Variants in PPP4R4 observed in about 807,000 individuals in gnomAD.
The protein encoded by PPP4R4 is protein phosphatase 4 regulatory subunit 4, also known as serine/threonine-protein phosphatase 4 regulatory subunit 4.
In PPP4R4, 70 loss-of-function variants were observed where a neutral mutation model predicts 121.8. That is an observed-to-expected ratio of 0.57 (90% CI 0.47 to 0.70). PPP4R4 has a LOEUF of 0.70. Among genes scored for constraint, PPP4R4 ranks in the 30% least tolerant of loss-of-function variants. PPP4R4 has a pLI of 0.00. For synonymous variants in PPP4R4, 348 were observed against 355.7 expected (o/e 0.98, Z 0.24); for missense variants, 875 against 1,033.6 (o/e 0.85, Z 2.10).
chr14:94,274,329 G>C (rs59128518), intron 23 of PPP4R4, among the ~76,000 whole-genome samples: 35,825 of 151,596 alleles, frequency 0.24, 5,076 homozygotes, highest in East Asian at 0.59. Flanking sequence ...TTGAAATAGA[G>C]CATTAAAAAA....
intron 3 of PPP4R4, among the ~76,000 whole-genome samples, chr14:94,211,150 T>C (rs1190062906): frequency 6.6e-6 from 1 of 152,244 alleles, no homozygotes; most frequent in African/African-American, 2.4e-5. Flanking sequence ...AGGCAGGCAC[T>C]GTTCGAAGCA....
chr14:94,240,548 A>G, intron 8 of PPP4R4, 125 bp from the exon 9 acceptor site: 1 of 1,044,278 alleles, frequency 9.6e-7, no homozygotes, highest in South Asian at 1.8e-5. Flanking sequence ...GCTTTCAGGT[A>G]TTTTCTATTA....
chr14:94,243,579 GACATA>G (rs1235903359), intron 11 of PPP4R4, among the ~76,000 whole-genome samples: 3 of 151,978 alleles, frequency 2.0e-5, no homozygotes, highest in African/African-American at 7.3e-5. Flanking sequence ...TTTTATAGTA[GACATA>G]ACATAGCACC....
At chr14:94,214,564 C>G (rs986110188) in intron 3 of PPP4R4, among the ~76,000 whole-genome samples, 5 of 151,404 alleles carry the variant, frequency 3.3e-5, no homozygotes, top group African/African-American at 2.4e-5. Flanking sequence ...ATAATTTCTC[C>G]TAATATGATT....
chr14:94,267,046 G>A lies in PPP4R4; in HGVS notation c.2449+17G>A. ...CACTAGCTGGTAAGTAGCAATCTAA[G>A]TTCTTCAAAAAGTTGCTAAATTTAA... On this transcript the variant is annotated intron_variant, in intron 23 of 24. Coordinates refer to ENST00000304338, the MANE Select transcript of PPP4R4 (RefSeq NM_058237.2). 2 of 1,541,574 alleles carry A rather than the reference G, an allele frequency of 1.3e-6. No homozygotes were observed. The highest frequency in any genetic ancestry group is 1.2e-5 in the South Asian group (1 of 86,096).
chr14:94,221,771 G>T (rs1408503238), intron 3 of PPP4R4, among the ~76,000 whole-genome samples: 1 of 151,914 alleles, frequency 6.6e-6, no homozygotes, highest in African/African-American at 2.4e-5. Context: ...AATATAAAAT[G>T]GTACAACAAC....
chr14:94,231,353 C>A, intron 5 of PPP4R4, 38 bp downstream of exon 5: 1 of 1,505,280 alleles, frequency 6.6e-7, no homozygotes, highest in South Asian at 1.2e-5. Context: ...ATAAGTAAGT[C>A]ACTCTAAGGT....
chr14:94,234,535 G>T (rs377436009), intron 6 of PPP4R4, 27 bp from the exon 7 acceptor site: 1 of 1,356,552 alleles, frequency 7.4e-7, no homozygotes, highest in Non-Finnish European at 1.1e-6. Context: ...TCATTCATTT[G>T]CATGTTTCTT....
At chr14:94,249,215 T>G (rs1893054309) in intron 14 of PPP4R4, among the ~76,000 whole-genome samples, 1 of 152,058 alleles carries the variant, frequency 6.6e-6, no homozygotes, top group Non-Finnish European at 1.5e-5. Flanking sequence ...CAAAAATTCA[T>G]TTTCCTTAAG....
chr14:94,188,564 AAT>A (rs915635829), intron 2 of PPP4R4, among the ~76,000 whole-genome samples: 3 of 151,572 alleles, frequency 2.0e-5, no homozygotes, highest in South Asian at 2.1e-4. Flanking sequence ...TATCTTGCCT[AAT>A]ATATATATAT....
chr14:94,246,413 A>T lies in PPP4R4; in HGVS notation c.1485A>T (p.Ala495=). The T allele has an allele frequency of 6.2e-7, 1 of 1,614,118 alleles. No individual in the cohort carries two copies. The highest frequency in any genetic ancestry group is 8.5e-7 in the Non-Finnish European group (1 of 1,179,980). ...TCACAGCTGCTGAACAGCGAGCTGC[A>T]GCCTCTTTAAAATGGAGAACTCATG... is the stretch of plus-strand genomic sequence containing the variant. ...PALTAAEQRA[A]ASLKWRTHEK... Residue 495 remains alanine, a synonymous_variant, in exon 14 of 25, where the codon GCA becomes GCT. Transcript: ENST00000304338.
At chr14:94,189,046 AG>A (rs1224642525) in intron 2 of PPP4R4, among the ~76,000 whole-genome samples, 1 of 152,182 alleles carries the variant, frequency 6.6e-6, no homozygotes, top group African/African-American at 2.4e-5. Flanking sequence ...AAGAGAAATC[AG>A]GGAGAAAATT....
At chr14:94,219,053 A>G (rs147355383) in intron 3 of PPP4R4, among the ~76,000 whole-genome samples, 32 of 148,060 alleles carry the variant, frequency 2.2e-4, no homozygotes, top group African/African-American at 7.5e-4. Context: ...TGGTAAAGGA[A>G]AATCTTTTTT....
intron 23 of PPP4R4, among the ~76,000 whole-genome samples, chr14:94,268,035 CAG>C (rs1894134130): frequency 1.3e-5 from 2 of 152,226 alleles, no homozygotes; most frequent in African/African-American, 4.8e-5. Flanking sequence ...AATTTGATAA[CAG>C]AAAGTTGATT....
chr14:94,240,156 A>AT (rs985240791), intron 8 of PPP4R4, among the ~76,000 whole-genome samples: 4 of 152,190 alleles, frequency 2.6e-5, no homozygotes, highest in African/African-American at 9.6e-5. Flanking sequence ...TAATTGATTA[A>AT]TTTTTTAAAG....
chr14:94,191,127 G>T (rs1889577527), intron 2 of PPP4R4, among the ~76,000 whole-genome samples: 1 of 152,120 alleles, frequency 6.6e-6, no homozygotes, highest in South Asian at 2.1e-4. Context: ...AATGCCACAG[G>T]TGTACTTGCA....
chr14:94,256,980 C>T (rs955215854), intron 17 of PPP4R4, among the ~76,000 whole-genome samples: 1 of 152,076 alleles, frequency 6.6e-6, no homozygotes, highest in Non-Finnish European at 1.5e-5. Context: ...AGAAACTTAT[C>T]CCTGGAAGGG....
At chr14:94,208,692 T>TTA (rs1438589469) in intron 3 of PPP4R4, 126 bp downstream of exon 3, 4 of 536,446 alleles carry the variant, frequency 7.5e-6, no homozygotes, top group Non-Finnish European at 1.3e-5. Context: ...GAGGAAGTGT[T>TTA]ATTATATACA....
chr14:94,218,347 TACAC>T (rs936900748), intron 3 of PPP4R4, among the ~76,000 whole-genome samples: 8 of 128,572 alleles, frequency 6.2e-5, no homozygotes, highest in South Asian at 2.6e-4. Context: ...CACACACACA[TACAC>T]ACACACCCTC....
Sources: allele counts gnomAD v4.1 joint callset (sites outside exome capture counted in the v4.1 genomes callset), GRCh38; gene constraint gnomAD v4.1.1; transcripts MANE v1.5; gene names NCBI Gene and HGNC (gene_info 2026-07-23, HGNC 2026-07-21).